Variants in TRPV1 observed in about 807,000 individuals in gnomAD.
TRPV1 encodes the protein OTRPC1.
Under a neutral mutation model 82.3 loss-of-function variants are expected in TRPV1, and 82 were observed. The ratio of observed to expected loss-of-function variants is 1.00; its 90% CI spans 0.83 to 1.20. The LOEUF is 1.20. Ranked by LOEUF, TRPV1 falls within the 50% of genes most tolerant of loss-of-function variation. TRPV1 has a pLI of 0.00. For synonymous variants in TRPV1, 515 were observed against 467.7 expected (o/e 1.10, Z -1.30); for missense variants, 1,067 against 1,096.8 (o/e 0.97, Z 0.38).
rs769222122 is a variant in TRPV1 at position 3,577,778 on chromosome 17, G to T, written c.1548-15C>A. ...ACTGCAGAAAGCTGCGGGTGGAGGG[G>T]CAGAAAGCTCCGTCTACGGGAACCC... On this transcript the variant is annotated splice_polypyrimidine_tract_variant and intron_variant, in intron 11 of 16. Transcript: ENST00000572705. 3.8e-6 allele frequency: 6 copies of T among 1,582,942 alleles called. No individual in the cohort carries two copies. The highest frequency in any genetic ancestry group is 5.2e-6 in the Non-Finnish European group (6 of 1,164,766).
At chr17:3,591,951 A>G (rs1183847378) in intron 3 of TRPV1, 116 bp downstream of exon 3, 12 of 1,410,518 alleles carry the variant, frequency 8.5e-6, no homozygotes, top group Non-Finnish European at 1.0e-5. Context: ...GACCACCCCT[A>G]AGGCTCTCCA....
In TRPV1 at chr17:3,600,575, C is replaced by T. The variant is rs147906411; in HGVS notation, c.-34+7852G>A. Reference sequence around the variant, plus strand: ...CTGTACTCCAGCCCGGGCTACAGAGCGAGACTCCATTTAAAAAAAACAAAA... The same window carrying T: ...CTGTACTCCAGCCCGGGCTACAGAGTGAGACTCCATTTAAAAAAAACAAAA... On this transcript the variant is annotated intron_variant, in intron 2 of 16. Coordinates refer to ENST00000572705, the MANE Select transcript of TRPV1 (RefSeq NM_080704.4). Among the ~76,000 whole-genome samples the T allele has an allele frequency of 9.9e-4, 150 of 151,876 alleles. 5 individuals are homozygous for T. The East Asian group carries it at 0.023, about 24-fold the overall frequency.
intron 11 of TRPV1, among the ~76,000 whole-genome samples, chr17:3,580,136 G>A (rs1242460845): frequency 1.3e-5 from 2 of 151,616 alleles, no homozygotes; most frequent in Admixed American, 6.6e-5. Flanking sequence ...CCCCAAAGGC[G>A]GGCGCCATGT....
In TRPV1 at chr17:3,592,331, G is replaced by T; in HGVS notation, c.20C>A (p.Thr7Lys). 1 of 1,595,724 alleles carries T rather than the reference G, an allele frequency of 6.3e-7. No homozygotes were observed. ...TGGGTCCGCAGCTGCCCCCAAGTCT[G>T]TGCTGCTCCATTTCTTCATCCTTGC... MKKWSS[T>K]DLGAAADPLQ... The change falls in exon 3 of 17, where the codon ACA (threonine) becomes AAA (lysine). Residue 7 changes from threonine (T) to lysine (K), a missense_variant. Transcript: ENST00000572705.
At chr17:3,573,288 T>G (rs72822061) in intron 14 of TRPV1, among the ~76,000 whole-genome samples, 3,875 of 152,122 alleles carry the variant, frequency 0.025, 109 homozygotes, top group Admixed American at 0.063. Flanking sequence ...GCCCTCCCCC[T>G]TCTTCCCTCC....
chr17:3,575,797 T>G (rs939124678), intron 13 of TRPV1, among the ~76,000 whole-genome samples: 13 of 152,016 alleles, frequency 8.6e-5, no homozygotes, highest in African/African-American at 2.9e-4. Context: ...TGGCCAAAAA[T>G]GCATGCCTGG....
intron 10 of TRPV1, among the ~76,000 whole-genome samples, chr17:3,583,023 A>T (rs953201372): frequency 6.6e-6 from 1 of 151,938 alleles, no homozygotes; most frequent in African/African-American, 2.4e-5. Context: ...TGGTTTAATT[A>T]AAAAACTACC....
chr17:3,570,240 G>T (rs8078502), intron 16 of TRPV1, among the ~76,000 whole-genome samples: 4 of 151,818 alleles, frequency 2.6e-5, no homozygotes, highest in East Asian at 1.9e-4. Flanking sequence ...CGTGGTGGCA[G>T]GCACCTGTAA....
chr17:3,577,504 C>A, intron 12 of TRPV1, 94 bp downstream of exon 12: 2 of 1,434,768 alleles, frequency 1.4e-6, no homozygotes, highest in Non-Finnish European at 1.9e-6. Flanking sequence ...TTCCCAGGCA[C>A]GACAGAGAGG....
Position 3,582,168 on chromosome 17 carries a change from C to A in TRPV1, c.1476+1170G>T, listed in dbSNP as rs143413475. On this transcript the variant is annotated intron_variant, in intron 10 of 16. Coordinates refer to ENST00000572705, the MANE Select transcript of TRPV1 (RefSeq NM_080704.4). ...TTGTGCCACTGCACTCCAGCCTGGG[C>A]GAAAGAGTGAGACTCCATCTCAAAA... Among the ~76,000 whole-genome samples the A allele has an allele frequency of 3.5e-3, 395 of 113,194 alleles. 6 individuals are homozygous for A. The East Asian group carries it at 0.04, about 11-fold the overall frequency. The allele number at this position is 113,194 out of a possible 152,430, so 74.3% of individuals were successfully genotyped here. A position where few individuals can be genotyped will look rare whatever the true frequency, so the allele number is the denominator to read the frequency against.
intron 2 of TRPV1, 26 bp from the exon 3 acceptor site, chr17:3,592,409 G>A: frequency 6.6e-7 from 1 of 1,517,380 alleles, no homozygotes; most frequent in Non-Finnish European, 8.8e-7. Flanking sequence ...CGCCGGGGTT[G>A]ACTCCCAAAG....
At chr17:3,598,363 C>G (rs2075236849) in intron 2 of TRPV1, among the ~76,000 whole-genome samples, 1 of 152,174 alleles carries the variant, frequency 6.6e-6, no homozygotes, top group South Asian at 2.1e-4. Flanking sequence ...CTTTCCCAAA[C>G]CCGCTCTCGC....
chr17:3,571,131 C>T (rs566072269), intron 16 of TRPV1, among the ~76,000 whole-genome samples: 7 of 152,312 alleles, frequency 4.6e-5, no homozygotes, highest in Admixed American at 3.3e-4. Flanking sequence ...TGTTTGTGTC[C>T]GCACAGCCTC....
At chr17:3,593,164 C>A (rs1394347645) in intron 2 of TRPV1, among the ~76,000 whole-genome samples, 1 of 150,574 alleles carries the variant, frequency 6.6e-6, no homozygotes, top group African/African-American at 2.5e-5. Context: ...GTCGCCCAGA[C>A]TAGAGTGCAA....
At chr17:3,571,012 C>T (rs533603745) in intron 16 of TRPV1, among the ~76,000 whole-genome samples, 4 of 152,310 alleles carry the variant, frequency 2.6e-5, no homozygotes, top group African/African-American at 4.8e-5. Context: ...CCACTGTGCC[C>T]GGCCTCCTTG....
At chr17:3,588,762 C>T (rs558625600) in intron 7 of TRPV1, among the ~76,000 whole-genome samples, 4 of 149,758 alleles carry the variant, frequency 2.7e-5, no homozygotes, top group Admixed American at 2.0e-4. Context: ...TGCAGTGAGC[C>T]GAGATTGTGC....
At chr17:3,608,353 C>T (rs973934375) in intron 2 of TRPV1, 74 bp downstream of exon 2, 1 of 152,086 alleles carries the variant, frequency 6.6e-6, no homozygotes, top group African/African-American at 2.4e-5. Context: ...TTTGGCATAT[C>T]CGAACAGCCA....
At chr17:3,603,014 G>A (rs1374923934) in intron 2 of TRPV1, among the ~76,000 whole-genome samples, 2 of 152,148 alleles carry the variant, frequency 1.3e-5, no homozygotes, top group Admixed American at 1.3e-4. Flanking sequence ...CCAGCTACTC[G>A]GGAGGCTGAG....
chr17:3,580,058 A>G (rs1192964417), intron 11 of TRPV1, among the ~76,000 whole-genome samples: 1 of 143,448 alleles, frequency 7.0e-6, no homozygotes, highest in African/African-American at 2.7e-5. Context: ...CACCACAACT[A>G]AGCACTACCC....
Sources: allele counts gnomAD v4.1 joint callset (sites outside exome capture counted in the v4.1 genomes callset), GRCh38; gene constraint gnomAD v4.1.1; transcripts MANE v1.5; gene names NCBI Gene and HGNC (gene_info 2026-07-23, HGNC 2026-07-21).